The following FLRT2 variants were observed in gnomAD, a reference collection of about 807,000 sequenced individuals.
The protein encoded by FLRT2 is leucine-rich repeat transmembrane protein FLRT2.
In FLRT2, 15 loss-of-function variants were observed where a neutral mutation model predicts 40.0. The observed-to-expected ratio is 0.38, with a 90% CI of 0.25 to 0.58. The LOEUF is 0.58. FLRT2 is among the 20% of genes least tolerant of loss of function. The probability of loss-of-function intolerance (pLI) is 0.71; values close to 1 mark genes in which losing one functional copy is unlikely to be tolerated. For missense variants in FLRT2, 726 were observed against 840.0 expected, an observed-to-expected ratio of 0.86 and a Z score of 1.68; for synonymous variants, 380 against 336.8, an observed-to-expected ratio of 1.13 and a Z score of -1.41.
intron 1 of FLRT2, among the ~76,000 whole-genome samples, chr14:85,543,965 C>G (rs961728513): frequency 6.6e-6 from 1 of 152,202 alleles, no homozygotes; most frequent in Non-Finnish European, 1.5e-5. Context: ...CCATTCATTT[C>G]ATCTCTGTGG....
intron 1 of FLRT2, among the ~76,000 whole-genome samples, chr14:85,583,156 G>A (rs1307061037): frequency 6.6e-6 from 1 of 152,096 alleles, no homozygotes; most frequent in Non-Finnish European, 1.5e-5. Context: ...GAAAATTACT[G>A]GCAGGGATCA....
chr14:85,567,951 T>C (rs1890707726), intron 1 of FLRT2, among the ~76,000 whole-genome samples: 1 of 152,072 alleles, frequency 6.6e-6, no homozygotes, highest in Non-Finnish European at 1.5e-5. Flanking sequence ...TTTTTATTTT[T>C]TTCTATAGAG....
chr14:85,632,643 G>T lies in FLRT2; in HGVS notation c.*9146G>T, dbSNP rs563006977. ...TTCATCAGCAAAATTAAAAAAGACA[G>T]TCATTATTCACTATGTCATATCCCA... is the stretch of plus-strand genomic sequence containing the variant. On this transcript the variant is annotated 3_prime_UTR_variant, in exon 2 of 2. Coordinates refer to ENST00000330753, the MANE Select transcript of FLRT2 (RefSeq NM_013231.6). The T allele has an allele frequency of 6.6e-6, 1 of 151,600 alleles. No homozygotes were observed. Among genetic ancestry groups the T allele is most frequent in the African/African-American group, 2.4e-5 (1 of 41,296 alleles). The allele number at this position is 151,600 out of a possible 1,614,324, so 9.4% of individuals were successfully genotyped here. A position where few individuals can be genotyped will look rare whatever the true frequency, so the allele number is the denominator to read the frequency against.
chr14:85,562,231 AGTCCATGGG>A (rs1223148569), intron 1 of FLRT2, among the ~76,000 whole-genome samples: 1 of 152,248 alleles, frequency 6.6e-6, no homozygotes, highest in East Asian at 1.9e-4. Context: ...CACCTTCTTT[AGTCCATGGG>A]ACTCACTCAT....
chr14:85,583,387 G>A (rs1364877257), intron 1 of FLRT2, among the ~76,000 whole-genome samples: 1 of 152,106 alleles, frequency 6.6e-6, no homozygotes, highest in African/African-American at 2.4e-5. Context: ...GTGCTGAAGT[G>A]GCCAGATTTT....
At chr14:85,536,542 T>G (rs1178131279) in intron 1 of FLRT2, among the ~76,000 whole-genome samples, 1 of 152,198 alleles carries the variant, frequency 6.6e-6, no homozygotes, top group African/African-American at 2.4e-5. Context: ...GAGTTCCTTT[T>G]TCACTAGATT....
In FLRT2 at chr14:85,640,061, G is replaced by A. The variant is rs150515839; in HGVS notation, c.*16564G>A. ...GACGAGGTTTCACCGTGTTAGCCAGGATGGTCTCGATTTCCTGACCTCGTG... is the reference window on the plus strand; with the variant it reads ...GACGAGGTTTCACCGTGTTAGCCAGAATGGTCTCGATTTCCTGACCTCGTG... On this transcript the variant is annotated 3_prime_UTR_variant, in exon 2 of 2. Coordinates refer to ENST00000330753, the MANE Select transcript of FLRT2 (RefSeq NM_013231.6). 0.02 allele frequency: 3,077 copies of A among 152,144 alleles called. 48 individuals are homozygous for A. Among genetic ancestry groups the A allele is most frequent in the Non-Finnish European group, 0.028 (1,910 of 68,066 alleles). 9.4% of individuals were successfully genotyped at this position (152,144 alleles called of 1,614,324 possible). A position where few individuals can be genotyped will look rare whatever the true frequency, so the allele number is the denominator to read the frequency against.
chr14:85,616,671 C>T (rs904723147), intron 1 of FLRT2, among the ~76,000 whole-genome samples: 9 of 152,140 alleles, frequency 5.9e-5, no homozygotes, highest in African/African-American at 2.2e-4. Flanking sequence ...AGTGTTTTTC[C>T]TGATACCTCA....
Position 85,649,894 on chromosome 14 carries a change from G to A in FLRT2, c.*26397G>A, listed in dbSNP as rs1409655501. On this transcript the variant is annotated 3_prime_UTR_variant, in exon 2 of 2. Coordinates refer to ENST00000330753, the MANE Select transcript of FLRT2 (RefSeq NM_013231.6). Reference sequence around the variant, plus strand: ...AGAATGAAGCATTTCTGTCCTAGGTGATTATAAAGTTTGTTGCTATAGTAT... The same window carrying A: ...AGAATGAAGCATTTCTGTCCTAGGTAATTATAAAGTTTGTTGCTATAGTAT... 6.6e-6 allele frequency: 1 copy of A among 151,958 alleles called. No homozygotes were observed. The highest frequency in any genetic ancestry group is 2.4e-5 in the African/African-American group (1 of 41,406). The allele number at this position is 151,958 out of a possible 1,614,324, so 9.4% of individuals were successfully genotyped here.
chr14:85,564,867 G>A (rs1311135931), intron 1 of FLRT2, among the ~76,000 whole-genome samples: 2 of 152,162 alleles, frequency 1.3e-5, no homozygotes, highest in Non-Finnish European at 2.9e-5. Context: ...AGATAGATAA[G>A]ATTTATCATG....
intron 1 of FLRT2, among the ~76,000 whole-genome samples, chr14:85,552,435 A>C (rs1889690339): frequency 6.6e-6 from 1 of 152,224 alleles, no homozygotes; most frequent in Admixed American, 6.5e-5. Flanking sequence ...GCCTGATGCA[A>C]TTAAGTGCTC....
intron 1 of FLRT2, among the ~76,000 whole-genome samples, chr14:85,586,664 T>TAGGTAAATATATG (rs1490636318): frequency 6.6e-6 from 1 of 151,794 alleles, no homozygotes; most frequent in Admixed American, 6.6e-5. Flanking sequence ...TTGATATATA[T>TAGGTAAATATATG]AGGTAAATAT....
intron 1 of FLRT2, among the ~76,000 whole-genome samples, chr14:85,586,858 A>G (rs755175546): frequency 6.6e-6 from 1 of 152,192 alleles, no homozygotes; most frequent in Non-Finnish European, 1.5e-5. Flanking sequence ...TCATTTGTAC[A>G]GTGGGGTCAT....
At chr14:85,539,904 C>A (rs1295758929) in intron 1 of FLRT2, among the ~76,000 whole-genome samples, 1 of 152,122 alleles carries the variant, frequency 6.6e-6, no homozygotes, top group Non-Finnish European at 1.5e-5. Flanking sequence ...GCTGCTAGCC[C>A]CTGCATCATT....
In FLRT2 at chr14:85,627,580, A is replaced by G. The variant is rs940950112; in HGVS notation, c.*4083A>G. The G allele has an allele frequency of 6.1e-6, 1 of 164,230 alleles. No individual in the cohort carries two copies. The highest frequency in any genetic ancestry group is 2.4e-5 in the African/African-American group (1 of 40,982). 10.2% of individuals were successfully genotyped at this position (164,230 alleles called of 1,614,324 possible). On this transcript the variant is annotated 3_prime_UTR_variant, in exon 2 of 2. Coordinates refer to ENST00000330753, the MANE Select transcript of FLRT2 (RefSeq NM_013231.6). ...TTATCAAACATGCACATGCTTGTAC[A>G]CACACACACACACACACACAAACAG... is the stretch of plus-strand genomic sequence containing the variant.
chr14:85,581,841 TTGTAG>T (rs1181618400), intron 1 of FLRT2, among the ~76,000 whole-genome samples: 1 of 152,166 alleles, frequency 6.6e-6, no homozygotes, highest in African/African-American at 2.4e-5. Context: ...TGGAATCATT[TTGTAG>T]TGTTATTTCT....
At chr14:85,586,513 C>T (rs1891622016) in intron 1 of FLRT2, among the ~76,000 whole-genome samples, 1 of 151,864 alleles carries the variant, frequency 6.6e-6, no homozygotes, top group African/African-American at 2.4e-5. Flanking sequence ...AGATGGTAGA[C>T]AGCATATTAA....
intron 1 of FLRT2, among the ~76,000 whole-genome samples, chr14:85,578,303 T>C (rs1838659069): frequency 6.6e-6 from 1 of 151,354 alleles, no homozygotes; most frequent in Non-Finnish European, 1.5e-5. Flanking sequence ...AGAAATTTGC[T>C]AAATATTCTC....
At position 85,622,180 on chromosome 14, in the gene FLRT2, C is replaced by G. The variant is rs370244900; in HGVS notation, c.666C>G (p.Ala222=). Reference sequence around the variant, plus strand: ...ACCTCCTGACCAACAAGGGTATCGCCGAGGGCACCTTCAGCCATCTCACCA... The same window carrying G: ...ACCTCCTGACCAACAAGGGTATCGCGGAGGGCACCTTCAGCCATCTCACCA... ...DGNLLTNKGI[A]EGTFSHLTKL... is the part of the protein sequence containing the mutation. Residue 222 remains alanine (A), a synonymous_variant, in exon 2 of 2, where the codon GCC becomes GCG. Coordinates refer to ENST00000330753, the MANE Select transcript of FLRT2 (RefSeq NM_013231.6). The G allele has an allele frequency of 1.9e-6, 3 of 1,613,966 alleles. No homozygotes were observed. The highest frequency in any genetic ancestry group is 2.2e-5 in the East Asian group (1 of 44,874).
Sources: gnomAD v4.1 joint callset for allele counts (sites outside exome capture counted in the v4.1 genomes callset) on GRCh38, gnomAD v4.1.1 for gene constraint, MANE v1.5 for transcripts, NCBI Gene and HGNC (gene_info 2026-07-23, HGNC 2026-07-21) for gene names.